The following MMRN2 variants were observed in gnomAD, a reference collection of about 807,000 sequenced individuals.
MMRN2 encodes the protein multimerin 2.
A neutral mutation model predicts 68.8 loss-of-function variants in MMRN2; 53 were observed. The ratio of observed to expected loss-of-function variants is 0.77; its 90% CI spans 0.62 to 0.97. MMRN2 has a LOEUF of 0.97. Ranked by LOEUF, MMRN2 falls within the 50% of genes least tolerant of loss-of-function variation. The pLI is 0.00. For synonymous variants in MMRN2, 564 were observed against 551.6 expected (o/e 1.02, Z -0.32); for missense variants, 1,266 against 1,259.5 (o/e 1.01, Z -0.08).
At chr10:86,946,755 T>C (rs973810605) in intron 1 of MMRN2, among the ~76,000 whole-genome samples, 2 of 152,150 alleles carry the variant, frequency 1.3e-5, no homozygotes, top group African/African-American at 4.8e-5. Flanking sequence ...GCTCAGCACC[T>C]CTTGGGTGCC....
At chr10:86,942,221 TTC>T (rs1843981496) in intron 6 of MMRN2, 94 bp downstream of exon 6, 1 of 1,416,736 alleles carries the variant, frequency 7.1e-7, no homozygotes, top group Admixed American at 2.4e-5. Context: ...GGCCATCCTG[TTC>T]TCTTTCTTCC....
chr10:86,943,437 G>C lies in MMRN2; in HGVS notation c.1347C>G (p.Ile449Met). The change falls in exon 6 of 7, where the codon ATC becomes ATG. Residue 449 changes from isoleucine to methionine, a missense_variant. Transcript: ENST00000372027. This position sits in a 1 kb window ranked among gnomAD's most constrained non-coding sequence, Gnocchi z 4.2. ...NHTALRELRVILMEKSLIMEE... is the reference protein window; with the variant it reads ...NHTALRELRVMLMEKSLIMEE... ...CCATGATCAGAGACTTCTCCATCAGGATCACGCGCAGCTCACGGAGCGCCG... is the reference window on the plus strand; with the variant it reads ...CCATGATCAGAGACTTCTCCATCAGCATCACGCGCAGCTCACGGAGCGCCG... The C allele has an allele frequency of 3.1e-6, 5 of 1,614,142 alleles. No individual in the cohort carries two copies. The highest frequency in any genetic ancestry group is 4.2e-6 in the Non-Finnish European group (5 of 1,180,026).
rs528440508 is a variant in MMRN2 at position 86,945,829 on chromosome 10, C to T, written c.165-140G>A. The T allele has an allele frequency of 5.0e-5, 75 of 1,487,380 alleles. No individual in the cohort carries two copies. In the Admixed American group the frequency reaches 1.1e-3, roughly 21 times the overall value. The allele number at this position is 1,487,380 out of a possible 1,614,324, so 92.1% of individuals were successfully genotyped here. A position where few individuals can be genotyped will look rare whatever the true frequency, so the allele number is the denominator to read the frequency against. On this transcript the variant is annotated intron_variant, in intron 1 of 6. Coordinates refer to ENST00000372027, the MANE Select transcript of MMRN2 (RefSeq NM_024756.3). ...CCATTATCCTGAGAAGAGAGCCTTC[C>T]GCATTATTCATCCCTGGGCTCCAGA...
chr10:86,943,939 G>C lies in MMRN2; in HGVS notation c.845C>G (p.Ala282Gly), dbSNP rs1263427281. 1 of 1,614,136 alleles carries C rather than the reference G, an allele frequency of 6.2e-7. No individual in the cohort carries two copies. Among genetic ancestry groups the C allele is most frequent in the Admixed American group, 1.7e-5 (1 of 60,028 alleles). ...ACCAAGCTCCTGGAAGTCAGCCCTG[G>C]CCACGGCACTGTCCTGGACTCTGGA... Reference protein sequence around the residue: ...AISRVQDSAVARADFQELGAK... With the variant: ...AISRVQDSAVGRADFQELGAK... The change falls in exon 6 of 7, where the codon GCC becomes GGC. Residue 282 changes from alanine (A) to glycine (G), a missense_variant. Physicochemically the swap from Ala to Gly is moderately conservative, Grantham distance 60. Coordinates refer to ENST00000372027, the MANE Select transcript of MMRN2 (RefSeq NM_024756.3). This position sits in a 1 kb window ranked among gnomAD's most constrained non-coding sequence, Gnocchi z 4.2.
At position 86,943,055 on chromosome 10, in the gene MMRN2, C is replaced by A. The variant is rs1434215341; in HGVS notation, c.1729G>T (p.Ala577Ser). 1.4e-6 allele frequency: 2 copies of A among 1,387,520 alleles called. No homozygotes were observed. Among genetic ancestry groups the A allele is most frequent in the Non-Finnish European group, 1.9e-6 (2 of 1,077,232 alleles). The allele number at this position is 1,387,520 out of a possible 1,614,324, so 86.0% of individuals were successfully genotyped here. The change falls in exon 6 of 7, where the codon GCG becomes TCG. Residue 577 changes from alanine (A) to serine (S), a missense_variant. Ala to Ser is a moderately conservative substitution (Grantham distance 99). Coordinates refer to ENST00000372027, the MANE Select transcript of MMRN2 (RefSeq NM_024756.3). The surrounding 1 kb of genome is among the most constrained non-coding windows in gnomAD (Gnocchi z 4.2). ...GCCTCGGCCGCGGCCGCCTTCAGCGCGCCCACCTCGTCATCCAGCGCCTGC... is the reference window on the plus strand; with the variant it reads ...GCCTCGGCCGCGGCCGCCTTCAGCGAGCCCACCTCGTCATCCAGCGCCTGC... ...QVQALDDEVGALKAAAAEARH... is the reference protein window; with the variant it reads ...QVQALDDEVGSLKAAAAEARH...
chr10:86,950,264 C>T (rs933806358), intron 1 of MMRN2, among the ~76,000 whole-genome samples: 34 of 151,988 alleles, frequency 2.2e-4, no homozygotes, highest in African/African-American at 4.3e-4. Context: ...TCGCTTGACC[C>T]GGGAGGCAGA....
chr10:86,950,704 T>C (rs1377319456), intron 1 of MMRN2, among the ~76,000 whole-genome samples: 1 of 152,040 alleles, frequency 6.6e-6, no homozygotes, highest in Non-Finnish European at 1.5e-5. Flanking sequence ...AGAGCAGATG[T>C]GGACAACTGG....
At position 86,942,319 on chromosome 10, in the gene MMRN2, G is replaced by T. The variant is rs759451262; in HGVS notation, c.2465C>A (p.Ala822Glu). ...PGALGAALWE[A>E]GSPVAFYASF... ...GTCTCCCCAGCCCAGGAACTCACCTGCCTCCCAGAGCGCCGCGCCCAAGGC... is the reference window on the plus strand; with the variant it reads ...GTCTCCCCAGCCCAGGAACTCACCTTCCTCCCAGAGCGCCGCGCCCAAGGC... The change falls in exon 6 of 7, where the codon GCA becomes GAA. Residue 822 changes from alanine to glutamate, a missense_variant and splice_region_variant. Physicochemically the swap from Ala to Glu is moderately radical, Grantham distance 107. Coordinates refer to ENST00000372027, the MANE Select transcript of MMRN2 (RefSeq NM_024756.3). 7 of 1,605,920 alleles carry T rather than the reference G, an allele frequency of 4.4e-6. No homozygotes were observed. The South Asian group carries it at 7.8e-5, about 18-fold the overall frequency.
chr10:86,942,331 G>A lies in MMRN2; in HGVS notation c.2453C>T (p.Ala818Val). ...TGPVPGALGA[A>V]LWEAGSPVAF... The stretch of plus-strand genomic sequence containing the variant: ...CAGGAACTCACCTGCCTCCCAGAGC[G>A]CCGCGCCCAAGGCACCTGGCACAGG... Residue 818 changes from alanine to valine, a missense_variant, in exon 6 of 7, where the codon GCG (alanine) becomes GTG (valine). Coordinates refer to ENST00000372027, the MANE Select transcript of MMRN2 (RefSeq NM_024756.3). 6.2e-7 allele frequency: 1 copy of A among 1,610,832 alleles called. No individual in the cohort carries two copies. Among genetic ancestry groups the A allele is most frequent in the East Asian group, 2.2e-5 (1 of 44,796 alleles).
intron 4 of MMRN2, among the ~76,000 whole-genome samples, chr10:86,944,765 T>C (rs900664874): frequency 2.6e-5 from 4 of 152,162 alleles, no homozygotes; most frequent in African/African-American, 9.7e-5. Flanking sequence ...TTCTCAATCT[T>C]GGGCCCAGCC....
chr10:86,956,466 G>T (rs890980322), intron 1 of MMRN2, among the ~76,000 whole-genome samples: 11 of 152,194 alleles, frequency 7.2e-5, no homozygotes, highest in Non-Finnish European at 1.5e-4. Flanking sequence ...CCATGTAGAT[G>T]CCCTTAGCCA....
At chr10:86,941,946 G>A (rs977868101) in intron 6 of MMRN2, among the ~76,000 whole-genome samples, 7 of 152,038 alleles carry the variant, frequency 4.6e-5, no homozygotes, top group African/African-American at 1.7e-4. Context: ...AACGCACATG[G>A]GAATGAAGGG....
intron 6 of MMRN2, among the ~76,000 whole-genome samples, chr10:86,942,102 G>A (rs527714897): frequency 6.6e-6 from 1 of 152,290 alleles, no homozygotes; most frequent in East Asian, 1.9e-4. Context: ...GGCACTAGCA[G>A]GTGGTTCTTG....
At chr10:86,938,108 A>AT (rs1564729878) in intron 6 of MMRN2, among the ~76,000 whole-genome samples, 1 of 151,720 alleles carries the variant, frequency 6.6e-6, no homozygotes, top group African/African-American at 2.4e-5. Flanking sequence ...CTAATTTTTT[A>AT]TTTTTTGTAG....
At chr10:86,939,829 G>GTGTGTT (rs1554893300) in intron 6 of MMRN2, among the ~76,000 whole-genome samples, 2 of 136,178 alleles carry the variant, frequency 1.5e-5, no homozygotes, top group African/African-American at 5.5e-5. Context: ...GTGTGTGTGT[G>GTGTGTT]TGTGTGTGTT....
chr10:86,950,546 A>T (rs1349469464), intron 1 of MMRN2, among the ~76,000 whole-genome samples: 1 of 152,166 alleles, frequency 6.6e-6, no homozygotes. Flanking sequence ...ACAGGTTCCA[A>T]CACAAAAACC....
intron 1 of MMRN2, chr10:86,954,262 GGT>G (rs780154725): frequency 3.7e-4 from 56 of 152,480 alleles, no homozygotes; most frequent in Non-Finnish European, 6.7e-4. Context: ...AGCTGCCCTT[GGT>G]CTGCTGTGGC....
chr10:86,952,497 A>G (rs1462977752), intron 1 of MMRN2, among the ~76,000 whole-genome samples: 4 of 152,176 alleles, frequency 2.6e-5, no homozygotes, highest in Non-Finnish European at 5.9e-5. Flanking sequence ...CAAAGAGAGG[A>G]ATTTTACAGC....
At chr10:86,954,025 G>A (rs986864088) in intron 1 of MMRN2, 13 of 152,664 alleles carry the variant, frequency 8.5e-5, no homozygotes, top group African/African-American at 3.1e-4. Context: ...AGAACCCTGG[G>A]AACATTCCTG....
Sources: gnomAD v4.1 joint callset for allele counts (sites outside exome capture counted in the v4.1 genomes callset) on GRCh38, gnomAD v4.1.1 for gene constraint, Gnocchi (gnomAD v3.1) non-coding constraint, MANE v1.5 for transcripts, NCBI Gene and HGNC (gene_info 2026-07-23, HGNC 2026-07-21) for gene names.